The following CALCRL variants were observed in gnomAD, a reference collection of about 807,000 sequenced individuals.
The protein encoded by CALCRL is calcitonin receptor like receptor.
A neutral mutation model predicts 60.4 loss-of-function variants in CALCRL; 27 were observed. The ratio of observed to expected loss-of-function variants is 0.45; its 90% CI spans 0.33 to 0.62. The LOEUF is 0.62. CALCRL is among the 20% of genes least tolerant of loss of function. The pLI is 0.03. For synonymous variants in CALCRL, 190 were observed against 182.6 expected, an observed-to-expected ratio of 1.04 and a Z score of -0.33; for missense variants, 424 against 540.7, an observed-to-expected ratio of 0.78 and a Z score of 2.14.
intron 12 of CALCRL, among the ~76,000 whole-genome samples, chr2:187,354,604 G>C (rs964236357): frequency 1.3e-5 from 2 of 151,978 alleles, no homozygotes; most frequent in African/African-American, 2.4e-5. Flanking sequence ...CCAAGAAGGA[G>C]CTCTGGAGCT....
intron 1 of CALCRL, among the ~76,000 whole-genome samples, chr2:187,435,379 T>C (rs1273960228): frequency 2.0e-5 from 3 of 152,134 alleles, no homozygotes; most frequent in Non-Finnish European, 4.4e-5. Context: ...AACTCACTTA[T>C]CACCAAGGGG....
rs148996773 is a variant in CALCRL at position 187,354,800 on chromosome 2, T to A, written c.910-2468A>T. Among the ~76,000 whole-genome samples, 3 of 152,172 alleles carry A rather than the reference T, an allele frequency of 2.0e-5. No individual in the cohort carries two copies. The East Asian group carries it at 5.8e-4, about 30-fold the overall frequency. ...CTTCCTTAAAGTTTACATGAACAGA[T>A]GTTTCCAAGGATAGTGTAGATGACG... On this transcript the variant is annotated intron_variant, in intron 12 of 14. Coordinates refer to ENST00000392370, the MANE Select transcript of CALCRL (RefSeq NM_005795.6).
At position 187,372,314 on chromosome 2, in the gene CALCRL, G is replaced by GT. The variant is rs1355239462; in HGVS notation, c.500+6625dup. On this transcript the variant is annotated intron_variant, in intron 8 of 14. Transcript: ENST00000392370. The stretch of plus-strand genomic sequence containing the variant: ...ATAATTTGTAACTAATTCCAGTAGA[G>GT]TTTATTTTTTTTTTTTATCTAAAGG... Among the ~76,000 whole-genome samples, 16 of 119,510 alleles carry GT rather than the reference G, an allele frequency of 1.3e-4. No individual in the cohort carries two copies. In the East Asian group the frequency reaches 2.8e-3, roughly 21 times the overall value. 78.4% of individuals were successfully genotyped at this position (119,510 alleles called of 152,430 possible).
At chr2:187,431,550 A>G (rs1460738869) in intron 1 of CALCRL, among the ~76,000 whole-genome samples, 3 of 152,120 alleles carry the variant, frequency 2.0e-5, no homozygotes, top group African/African-American at 7.2e-5. Context: ...TGAGGTTGTC[A>G]CCATGCTAAC....
chr2:187,423,588 TTACTC>T (rs10569209), intron 1 of CALCRL, among the ~76,000 whole-genome samples: 3,586 of 152,108 alleles, frequency 0.024, 76 homozygotes, highest in South Asian at 0.073. Context: ...ATGGCAAAAT[TTACTC>T]TAAAGTATTT....
chr2:187,352,519 A>T (rs2105700340), intron 12 of CALCRL, among the ~76,000 whole-genome samples, 187 bp from the exon 13 acceptor site: 1 of 151,958 alleles, frequency 6.6e-6, no homozygotes, highest in African/African-American at 2.4e-5. Flanking sequence ...TAACAAGTAC[A>T]TCAATTTTAA....
chr2:187,377,885 AAC>A (rs1208639973), intron 8 of CALCRL, among the ~76,000 whole-genome samples: 3 of 152,100 alleles, frequency 2.0e-5, no homozygotes, highest in Admixed American at 1.3e-4. Context: ...AAACTGTAGA[AAC>A]AATATGAAAT....
intron 14 of CALCRL, among the ~76,000 whole-genome samples, chr2:187,348,096 G>T (rs1474976659): frequency 2.6e-5 from 4 of 151,526 alleles, no homozygotes; most frequent in African/African-American, 9.7e-5. Context: ...TATTTATCTT[G>T]CAAAAATTAA....
At chr2:187,381,942 C>G (rs1688002501) in intron 5 of CALCRL, among the ~76,000 whole-genome samples, 1 of 152,048 alleles carries the variant, frequency 6.6e-6, no homozygotes, top group Admixed American at 6.6e-5. Flanking sequence ...TAATGTTTCC[C>G]CAGATAATGT....
At chr2:187,444,872 T>C (rs914168126) in intron 1 of CALCRL, among the ~76,000 whole-genome samples, 1 of 151,582 alleles carries the variant, frequency 6.6e-6, no homozygotes, top group African/African-American at 2.4e-5. Flanking sequence ...ACATGGTCCA[T>C]GTGAATATAT....
intron 1 of CALCRL, among the ~76,000 whole-genome samples, chr2:187,440,567 G>A (rs896797531): frequency 6.6e-6 from 1 of 152,146 alleles, no homozygotes. Context: ...AACATATGCA[G>A]TCTTTTATGG....
intron 1 of CALCRL, among the ~76,000 whole-genome samples, chr2:187,426,537 A>T (rs952258512): frequency 6.6e-6 from 1 of 152,178 alleles, no homozygotes; most frequent in Middle Eastern, 3.4e-3. Flanking sequence ...GAATCTATAC[A>T]TTACCTATTT....
At chr2:187,367,966 G>A (rs906287836) in intron 8 of CALCRL, among the ~76,000 whole-genome samples, 10 of 152,016 alleles carry the variant, frequency 6.6e-5, no homozygotes, top group African/African-American at 9.7e-5. Flanking sequence ...TAATGAAACC[G>A]TGTCTTTCAA....
chr2:187,372,720 A>G (rs1479698702), intron 8 of CALCRL, among the ~76,000 whole-genome samples: 1 of 152,184 alleles, frequency 6.6e-6, no homozygotes, highest in African/African-American at 2.4e-5. Context: ...GAATAAGTAC[A>G]GTATAAGGAA....
chr2:187,418,621 C>T (rs1689723069), intron 1 of CALCRL, among the ~76,000 whole-genome samples: 1 of 152,058 alleles, frequency 6.6e-6, no homozygotes, highest in Non-Finnish European at 1.5e-5. Flanking sequence ...TTTAAGACAG[C>T]TCATAGTAGA....
chr2:187,406,187 C>CAAAA (rs3836097), intron 1 of CALCRL, among the ~76,000 whole-genome samples: 88 of 143,448 alleles, frequency 6.1e-4, no homozygotes, highest in African/African-American at 1.6e-3. Flanking sequence ...CAAACACAAC[C>CAAAA]AAAAAAAAAA....
rs1299440529 is a variant in CALCRL, at chr2:187,346,274, A to G, written c.1296T>C (p.Tyr432=). The G allele has an allele frequency of 6.2e-7, 1 of 1,612,230 alleles. No individual in the cohort carries two copies. Among genetic ancestry groups the G allele is most frequent in the Non-Finnish European group, 8.5e-7 (1 of 1,178,894 alleles). ...AGTGTTCACTAGGACAGTCATGACT[A>G]TAACCTGGACCATCACTGATTGTTG... ...TVSTISDGPG[Y]SHDCPSEHLN... The change falls in exon 15 of 15, where the codon TAT becomes TAC. Residue 432 remains tyrosine (Y), a synonymous_variant. Transcript: ENST00000392370.
intron 1 of CALCRL, among the ~76,000 whole-genome samples, chr2:187,445,146 G>A (rs965753834): frequency 2.0e-5 from 3 of 151,434 alleles, no homozygotes; most frequent in Non-Finnish European, 3.0e-5. Flanking sequence ...TCTATCTTAA[G>A]CGTATTCTCC....
intron 1 of CALCRL, among the ~76,000 whole-genome samples, chr2:187,394,177 C>T (rs1157699): frequency 0.27 from 40,685 of 151,820 alleles, 6,152 homozygotes; most frequent in Non-Finnish European, 0.33. Context: ...TGCTGTGGAG[C>T]CCACATGCAA....
Sources: gnomAD v4.1 joint callset for allele counts (sites outside exome capture counted in the v4.1 genomes callset) on GRCh38, gnomAD v4.1.1 for gene constraint, MANE v1.5 for transcripts, NCBI Gene and HGNC (gene_info 2026-07-23, HGNC 2026-07-21) for gene names.